The following ASF1B variants were observed in gnomAD, a reference collection of about 807,000 sequenced individuals.
The protein encoded by ASF1B is anti-silencing function 1B histone chaperone.
ASF1B carries 10 observed loss-of-function variants against 16.6 expected under a neutral mutation model. The observed-to-expected ratio is 0.60, with a 90% CI of 0.37 to 1.02. The LOEUF (loss-of-function observed/expected upper bound fraction) is 1.02. Ranked by LOEUF, ASF1B falls within the 50% of genes least tolerant of loss-of-function variation. The pLI, the probability that ASF1B is intolerant of heterozygous loss-of-function variation, is 0.01. For synonymous variants in ASF1B, 101 were observed against 106.2 expected (o/e 0.95, Z 0.30); for missense variants, 240 against 266.0 (o/e 0.90, Z 0.68).
intron 1 of ASF1B, among the ~76,000 whole-genome samples, chr19:14,131,644 G>A (rs1033419930): frequency 1.1e-4 from 16 of 151,016 alleles, no homozygotes; most frequent in South Asian, 2.1e-4. Flanking sequence ...CACCACACCC[G>A]GCTAATTTTT....
Position 14,126,207 on chromosome 19 carries a change from G to C in ASF1B, c.140C>G (p.Ser47Trp), listed in dbSNP as rs1430857776. Residue 47 changes from serine (S) to tryptophan (W), a missense_variant, in exon 2 of 4, where the codon TCG (serine) becomes TGG (tryptophan). Ser to Trp is a radical substitution (Grantham distance 177). Coordinates refer to ENST00000263382, the MANE Select transcript of ASF1B (RefSeq NM_018154.3). ...DLEWKIIYVGSAESEEFDQIL... is the reference protein window; with the variant it reads ...DLEWKIIYVGWAESEEFDQIL... ...CTGATCAAATTCCTCACTCTCAGCC[G>C]AGCCAACATAAATGATCTTCCACTC... 2.5e-6 allele frequency: 4 copies of C among 1,613,300 alleles called. No individual in the cohort carries two copies. The highest frequency in any genetic ancestry group is 3.3e-4 in the Middle Eastern group (2 of 6,084).
At chr19:14,131,478 G>A (rs1249680506) in intron 1 of ASF1B, among the ~76,000 whole-genome samples, 2 of 148,726 alleles carry the variant, frequency 1.3e-5, no homozygotes, top group Non-Finnish European at 3.0e-5. Flanking sequence ...ACCACACCTG[G>A]CTTTTTCTTT....
intron 1 of ASF1B, among the ~76,000 whole-genome samples, chr19:14,135,617 T>G (rs10421422): frequency 0.4 from 60,154 of 151,328 alleles, 12,539 homozygotes; most frequent in African/African-American, 0.54. Context: ...GAAGATGGGG[T>G]TGAGAGAGGT....
Position 14,126,112 on chromosome 19 carries a change from TCTTTCTTAC to T in ASF1B, c.225+1_225+9del. ...TCAAGGGCTAAGGCCTAAGGCCTCA[TCTTTCTTAC>T]CTGAAAGACAAACATGTGTCTCCCT... On this transcript the variant is annotated splice_donor_variant and splice_donor_5th_base_variant and intron_variant, in intron 2 of 3. Coordinates refer to ENST00000263382, the MANE Select transcript of ASF1B (RefSeq NM_018154.3). LOFTEE classifies it high-confidence loss of function. The T allele has an allele frequency of 6.3e-7, 1 of 1,586,644 alleles. No homozygotes were observed.
At chr19:14,122,230 C>T (rs1048121636) in intron 2 of ASF1B, among the ~76,000 whole-genome samples, 15 of 151,808 alleles carry the variant, frequency 9.9e-5, no homozygotes, top group Non-Finnish European at 1.6e-4. Flanking sequence ...TGCGCCCAGC[C>T]TTTTTTTTGT....
chr19:14,129,781 T>A (rs1338301819), intron 1 of ASF1B, among the ~76,000 whole-genome samples: 2 of 143,524 alleles, frequency 1.4e-5, no homozygotes, highest in African/African-American at 2.6e-5. Flanking sequence ...GATCATTGGA[T>A]CATGGCTGTA....
chr19:14,133,391 G>C (rs1201966056), intron 1 of ASF1B, among the ~76,000 whole-genome samples: 1 of 152,160 alleles, frequency 6.6e-6, no homozygotes, highest in Non-Finnish European at 1.5e-5. Context: ...GCAGAGGCTG[G>C]ACGCAGTGGC....
At chr19:14,129,888 T>C (rs1161515101) in intron 1 of ASF1B, among the ~76,000 whole-genome samples, 1 of 149,148 alleles carries the variant, frequency 6.7e-6, no homozygotes, top group East Asian at 2.0e-4. Context: ...ATACAAAAAA[T>C]TAGCCAGGCG....
chr19:14,136,231 G>T, intron 1 of ASF1B, 117 bp downstream of exon 1: 2 of 778,832 alleles, frequency 2.6e-6, no homozygotes, highest in South Asian at 1.8e-5. Context: ...GATCGGGGTT[G>T]GCGGAAGGGG....
intron 1 of ASF1B, among the ~76,000 whole-genome samples, chr19:14,133,497 G>A (rs929766710): frequency 3.9e-5 from 6 of 152,012 alleles, no homozygotes; most frequent in East Asian, 2.0e-4. Context: ...GTGAAACCCC[G>A]TCTCTACTAA....
chr19:14,127,079 G>A (rs894378132), intron 1 of ASF1B, among the ~76,000 whole-genome samples: 1 of 152,180 alleles, frequency 6.6e-6, no homozygotes, highest in African/African-American at 2.4e-5. Flanking sequence ...GGGCTGCTGT[G>A]CCCAGCCTTG....
At chr19:14,131,490 T>C (rs1967404494) in intron 1 of ASF1B, among the ~76,000 whole-genome samples, 1 of 150,610 alleles carries the variant, frequency 6.6e-6, no homozygotes, top group Non-Finnish European at 1.5e-5. Flanking sequence ...TTTTTCTTTT[T>C]TTTTTTTTTT....
chr19:14,126,084 G>C, intron 2 of ASF1B, 38 bp downstream of exon 2: 1 of 1,447,898 alleles, frequency 6.9e-7, no homozygotes, highest in Non-Finnish European at 9.4e-7. Context: ...ATGTTTCTAG[G>C]AATCAAGGGC....
intron 2 of ASF1B, among the ~76,000 whole-genome samples, chr19:14,125,532 G>T (rs1349406997): frequency 6.6e-6 from 1 of 152,202 alleles, no homozygotes; most frequent in African/African-American, 2.4e-5. Flanking sequence ...GTAGAACTAG[G>T]ATTTGAACCT....
At position 14,121,576 on chromosome 19, in the gene ASF1B, G is replaced by A. The variant is rs1345289442; in HGVS notation, c.358C>T (p.Pro120Ser). 6.2e-7 allele frequency: 1 copy of A among 1,614,046 alleles called. No individual in the cohort carries two copies. The highest frequency in any genetic ancestry group is 1.1e-5 in the South Asian group (1 of 91,078). Residue 120 changes from proline (P) to serine (S), a missense_variant, in exon 3 of 4, where the codon CCT (proline) becomes TCT (serine). Physicochemically the swap from Pro to Ser is moderately conservative, Grantham distance 74 (BLOSUM62 -1). Transcript: ENST00000263382. ...ATGGGCGGGTTCTCACGCAGCTCAG[G>A]GTTGAGGTACTCGTTGTTGACGTAG... Reference protein sequence around the residue: ...GYYVNNEYLNPELRENPPMKP... With the variant: ...GYYVNNEYLNSELRENPPMKP...
intron 1 of ASF1B, 148 bp from the exon 2 acceptor site, chr19:14,126,385 A>T: frequency 1.7e-6 from 1 of 598,084 alleles, no homozygotes; most frequent in South Asian, 2.0e-5. Flanking sequence ...GCTCACTGCA[A>T]CTTCCGCCTC....
chr19:14,131,485 CTT>C (rs759033830), intron 1 of ASF1B, among the ~76,000 whole-genome samples: 28 of 126,362 alleles, frequency 2.2e-4, no homozygotes, highest in Admixed American at 3.2e-4. Flanking sequence ...CTGGCTTTTT[CTT>C]TTTTTTTTTT....
At chr19:14,127,115 A>G (rs1967330389) in intron 1 of ASF1B, among the ~76,000 whole-genome samples, 1 of 152,168 alleles carries the variant, frequency 6.6e-6, no homozygotes. Context: ...GATCCTTAAT[A>G]TGTTAAAAGA....
chr19:14,133,797 ATTTTTTTTTTTT>A (rs34122923), intron 1 of ASF1B, among the ~76,000 whole-genome samples: 3 of 98,858 alleles, frequency 3.0e-5, no homozygotes, highest in South Asian at 6.6e-4. Flanking sequence ...CCGCACAACC[ATTTTTTTTTTTT>A]TTTTTTTTTT....
Sources: allele counts gnomAD v4.1 joint callset (sites outside exome capture counted in the v4.1 genomes callset), GRCh38; gene constraint gnomAD v4.1.1; transcripts MANE v1.5; gene names NCBI Gene and HGNC (gene_info 2026-07-23, HGNC 2026-07-21).